Variants in PCNX2 observed in about 807,000 individuals in gnomAD.
PCNX2 encodes pecanex 2.
Under a neutral mutation model 223.8 loss-of-function variants are expected in PCNX2, and 168 were observed. That is an observed-to-expected ratio of 0.75 (90% confidence interval 0.66 to 0.85). PCNX2 has a LOEUF of 0.85. PCNX2 is among the 40% of genes least tolerant of loss of function. The probability of loss-of-function intolerance (pLI) is 0.00; values close to 1 mark genes in which losing one functional copy is unlikely to be tolerated. For synonymous variants in PCNX2, 1,006 were observed against 1,052.6 expected, an observed-to-expected ratio of 0.96 and a Z score of 0.86; for missense variants, 2,507 against 2,675.5, an observed-to-expected ratio of 0.94 and a Z score of 1.39.
chr1:233,135,347 G>A (rs1676742529), intron 20 of PCNX2, among the ~76,000 whole-genome samples, 157 bp from the exon 21 acceptor site: 1 of 152,176 alleles, frequency 6.6e-6, no homozygotes. Context: ...GCATTTTACA[G>A]GGGTATAAAC....
At chr1:233,208,477 CA>C (rs1230602186) in intron 13 of PCNX2, 40 bp downstream of exon 13, 1 of 1,567,296 alleles carries the variant, frequency 6.4e-7, no homozygotes. Context: ...GACATACCCC[CA>C]ACCCCCATAT....
At chr1:233,179,548 T>G (rs1248123967) in intron 15 of PCNX2, among the ~76,000 whole-genome samples, 1 of 152,210 alleles carries the variant, frequency 6.6e-6, no homozygotes, top group East Asian at 1.9e-4. Flanking sequence ...ATTGATGGTC[T>G]AAATGGCATA....
chr1:233,266,056 C>G (rs73111167), intron 1 of PCNX2, among the ~76,000 whole-genome samples: 4 of 152,272 alleles, frequency 2.6e-5, no homozygotes, highest in African/African-American at 9.6e-5. Flanking sequence ...CTATAAAGGA[C>G]CACTTGGCAC....
At chr1:233,171,994 A>T (rs894351099) in intron 17 of PCNX2, among the ~76,000 whole-genome samples, 2 of 152,036 alleles carry the variant, frequency 1.3e-5, no homozygotes, top group Admixed American at 1.3e-4. Flanking sequence ...GTGGTGGTGT[A>T]TATTTCAATT....
rs1670700261 is a variant in PCNX2 at position 233,017,161 on chromosome 1, A to AG, written c.4606-8dup. The AG allele has an allele frequency of 1.3e-6, 1 of 798,314 alleles. No individual in the cohort carries two copies. Among genetic ancestry groups the AG allele is most frequent in the Admixed American group, 4.1e-5 (1 of 24,610 alleles). The allele number at this position is 798,314 out of a possible 1,614,324, so 49.5% of individuals were successfully genotyped here. A position where few individuals can be genotyped will look rare whatever the true frequency, so the allele number is the denominator to read the frequency against. On this transcript the variant is annotated splice_polypyrimidine_tract_variant and splice_region_variant and intron_variant, in intron 26 of 33. Coordinates refer to ENST00000258229, the MANE Select transcript of PCNX2 (RefSeq NM_014801.4). Reference sequence around the variant, plus strand: ...CCATATAGTATATTATACTCTGCAGAGAAAAAGCCAGGAAGATTTTATTTA... The same window carrying AG: ...CCATATAGTATATTATACTCTGCAGAGGAAAAAGCCAGGAAGATTTTATTTA...
At position 233,000,559 on chromosome 1, in the gene PCNX2, G is replaced by A; in HGVS notation, c.5098-24C>T. The A allele has an allele frequency of 6.4e-7, 1 of 1,551,996 alleles. No individual in the cohort carries two copies. The highest frequency in any genetic ancestry group is 1.2e-5 in the South Asian group (1 of 85,896). ...TCCTGGTGGGAAGAAGTGTGGGTGT[G>A]GGCTGGGCAAGGACCAGAGGAACTC... On this transcript the variant is annotated intron_variant, in intron 29 of 33. Transcript: ENST00000258229. This position sits in a 1 kb window ranked among gnomAD's most constrained non-coding sequence, Gnocchi z 4.6.
chr1:233,105,323 G>GA (rs559993740), intron 21 of PCNX2, among the ~76,000 whole-genome samples: 81 of 152,256 alleles, frequency 5.3e-4, no homozygotes, highest in African/African-American at 1.9e-3. Flanking sequence ...AATTGGTGCA[G>GA]AAAGGACGTT....
At chr1:233,029,500 T>C (rs1671193915) in intron 25 of PCNX2, among the ~76,000 whole-genome samples, 1 of 152,210 alleles carries the variant, frequency 6.6e-6, no homozygotes. Context: ...CTTCATTCTT[T>C]TGTGTAGAGT....
At chr1:233,092,902 G>A (rs138320581) in intron 22 of PCNX2, among the ~76,000 whole-genome samples, 2,558 of 152,220 alleles carry the variant, frequency 0.017, 28 homozygotes, top group East Asian at 0.039. Flanking sequence ...AGGTTCAAGC[G>A]ATTCTCTTGC....
chr1:233,225,917 T>A (rs188230241), intron 10 of PCNX2, among the ~76,000 whole-genome samples: 207 of 152,312 alleles, frequency 1.4e-3, no homozygotes, highest in African/African-American at 4.4e-3. Context: ...TATAACTCCA[T>A]TCCCTGACTT....
chr1:233,303,614 C>G, the PCNX2 span, among the ~76,000 whole-genome samples: 1 of 151,208 alleles, frequency 6.6e-6, no homozygotes. Context: ...AAGAAATGAA[C>G]CTTTTATAAT....
chr1:233,023,035 A>C (rs1670951383), intron 26 of PCNX2, among the ~76,000 whole-genome samples: 3 of 151,568 alleles, frequency 2.0e-5, no homozygotes, highest in Admixed American at 1.3e-4. Flanking sequence ...GAAGATGTCA[A>C]CTCCAGGGCT....
At chr1:233,024,905 GATAAGA>G (rs1671027800) in intron 26 of PCNX2, among the ~76,000 whole-genome samples, 1 of 152,178 alleles carries the variant, frequency 6.6e-6, no homozygotes, top group Non-Finnish European at 1.5e-5. Context: ...AGAAGACCTA[GATAAGA>G]AAACAAACTG....
intron 32 of PCNX2, among the ~76,000 whole-genome samples, chr1:232,992,451 C>G (rs1006029978): frequency 6.6e-6 from 1 of 152,192 alleles, no homozygotes; most frequent in Admixed American, 6.5e-5. Context: ...GCCAGCTGCA[C>G]AGATGGAGGG....
intron 28 of PCNX2, among the ~76,000 whole-genome samples, chr1:233,010,956 G>C (rs7534667): frequency 0.44 from 66,695 of 152,012 alleles, 16,208 homozygotes; most frequent in African/African-American, 0.65. Flanking sequence ...TGAAGCATAT[G>C]TTTAAGACCT....
At chr1:233,102,528 C>T (rs1472158589) in intron 21 of PCNX2, among the ~76,000 whole-genome samples, 1 of 151,998 alleles carries the variant, frequency 6.6e-6, no homozygotes, top group Non-Finnish European at 1.5e-5. Flanking sequence ...TACTTGCTAG[C>T]CTTTGTAACA....
At chr1:233,321,771 C>G in the PCNX2 span, among the ~76,000 whole-genome samples, 1 of 152,166 alleles carries the variant, frequency 6.6e-6, no homozygotes, top group Non-Finnish European at 1.5e-5. Flanking sequence ...TGGCATTTTT[C>G]TTGTACTGCA....
intron 23 of PCNX2, 182 bp from the exon 24 acceptor site, chr1:233,057,472 A>C: frequency 1.7e-6 from 1 of 583,132 alleles, no homozygotes; most frequent in Middle Eastern, 2.7e-4. Flanking sequence ...AGATAGAGGG[A>C]GCAGTACAAG....
intron 21 of PCNX2, among the ~76,000 whole-genome samples, chr1:233,096,203 A>C (rs1026983111): frequency 2.0e-5 from 3 of 152,196 alleles, no homozygotes; most frequent in Admixed American, 2.0e-4. Flanking sequence ...TACACACAGA[A>C]ACCTATCATC....
Sources: allele counts gnomAD v4.1 joint callset (sites outside exome capture counted in the v4.1 genomes callset), GRCh38; gene constraint gnomAD v4.1.1; non-coding constraint Gnocchi (gnomAD v3.1); transcripts MANE v1.5; gene names NCBI Gene and HGNC (gene_info 2026-07-23, HGNC 2026-07-21).